Variants in ZBTB1 observed in about 807,000 individuals in gnomAD.
ZBTB1 encodes the protein zinc finger and BTB domain containing 1, also known as zinc finger and BTB domain-containing protein 1.
In ZBTB1, 13 loss-of-function variants were observed where a neutral mutation model predicts 51.6. That is an observed-to-expected ratio of 0.25 (90% CI 0.16 to 0.40). ZBTB1 has a LOEUF of 0.40. Among genes scored for constraint, ZBTB1 ranks in the 10% least tolerant of loss-of-function variants. ZBTB1 has a pLI of 1.00. For missense variants in ZBTB1, 567 were observed against 856.5 expected (o/e 0.66, Z 4.22); for synonymous variants, 240 against 282.2 (o/e 0.85, Z 1.50).
At chr14:64,529,764 C>T (rs1451062798), downstream of ZBTB1, among the ~76,000 whole-genome samples, 1 of 152,120 alleles carries the variant, frequency 6.6e-6, no homozygotes, top group Non-Finnish European at 1.5e-5. Context: ...GAGCGAGACC[C>T]TGTCGCAAAA....
At chr14:64,508,956 T>A (rs1253144796) in intron 1 of ZBTB1, among the ~76,000 whole-genome samples, 2 of 152,218 alleles carry the variant, frequency 1.3e-5, no homozygotes, top group Non-Finnish European at 2.9e-5. Context: ...AATATCTGCC[T>A]TAAGTGTGGT....
At position 64,524,783 on chromosome 14, in the gene ZBTB1, CTT is replaced by C. The variant is rs371214005; in HGVS notation, c.*1138_*1139del. On this transcript the variant is annotated 3_prime_UTR_variant, in exon 2 of 2. Coordinates refer to ENST00000683701, the MANE Select transcript of ZBTB1 (RefSeq NM_001123329.2). The stretch of plus-strand genomic sequence containing the variant: ...TTTTTTTCTGTAAAAGACTATAAAA[CTT>C]GAGGATTATAAAATAATCACAGAGT... The C allele has an allele frequency of 1.0e-6, 1 of 981,374 alleles. No homozygotes were observed. The highest frequency in any genetic ancestry group is 1.7e-5 in the African/African-American group (1 of 57,220). The allele number at this position is 981,374 out of a possible 1,614,324, so 60.8% of individuals were successfully genotyped here.
At chr14:64,528,196 TTG>T (rs1324386441), downstream of ZBTB1, among the ~76,000 whole-genome samples, 1 of 152,062 alleles carries the variant, frequency 6.6e-6, no homozygotes, top group African/African-American at 2.4e-5. Context: ...AACATAAAAC[TTG>T]TGTCGTTGTT....
chr14:64,505,102 G>A, intron 1 of ZBTB1, 156 bp downstream of exon 1: 1 of 351,932 alleles, frequency 2.8e-6, no homozygotes, highest in South Asian at 1.5e-4. Flanking sequence ...GGTGACGGGC[G>A]GCTGCCAGGC....
At chr14:64,518,931 T>TATATATATATATATATAC (rs1566633439) in intron 1 of ZBTB1, among the ~76,000 whole-genome samples, 6 of 140,308 alleles carry the variant, frequency 4.3e-5, no homozygotes, top group African/African-American at 1.3e-4. Context: ...TATATATATA[T>TATATATATATATATATAC]ATATAGTATG....
At position 64,521,772 on chromosome 14, in the gene ZBTB1, G is replaced by C. The variant is rs769450178; in HGVS notation, c.268G>C (p.Ala90Pro). The change falls in exon 2 of 2, where the codon GCT becomes CCT. Residue 90 changes from alanine to proline, a missense_variant. Physicochemically the swap from Ala to Pro is conservative, Grantham distance 27. This residue lies in a region of ZBTB1 where 69 missense variants were observed against 136.4 expected (regional missense o/e 0.51). Coordinates refer to ENST00000683701, the MANE Select transcript of ZBTB1 (RefSeq NM_001123329.2). ...TATGTATTTAGGAAAAATTATGACAGCTCCCTCCAGTTTTGAGCAGTTTAA... is the reference window on the plus strand; with the variant it reads ...TATGTATTTAGGAAAAATTATGACACCTCCCTCCAGTTTTGAGCAGTTTAA... The part of the protein sequence containing the change: ...QFMYLGKIMT[A>P]PSSFEQFKVA... 6.2e-7 allele frequency: 1 copy of C among 1,611,976 alleles called. No individual in the cohort carries two copies. Among genetic ancestry groups the C allele is most frequent in the African/African-American group, 1.3e-5 (1 of 74,930 alleles).
upstream of ZBTB1, chr14:64,504,685 G>A (rs1443188664): frequency 8.3e-6 from 3 of 360,836 alleles, no homozygotes; most frequent in Non-Finnish European, 1.5e-5. Context: ...GCAGCGAACT[G>A]GTGGGCAGAC....
intron 1 of ZBTB1, among the ~76,000 whole-genome samples, chr14:64,519,616 A>AC (rs927026553): frequency 2.0e-5 from 3 of 151,206 alleles, no homozygotes; most frequent in African/African-American, 7.3e-5. Flanking sequence ...TATTAAAAAA[A>AC]AAAAAACAAA....
At position 64,521,527 on chromosome 14, in the gene ZBTB1, G is replaced by A. The variant is rs1049460629; in HGVS notation, c.23G>A (p.Ser8Asn). The part of the protein sequence containing the change: MAKPSHS[S>N]YVLQQLNNQR... ...AAGATGGCAAAGCCCAGCCACAGCAGCTATGTCCTTCAGCAGCTAAACAAC... is the reference window on the plus strand; with the variant it reads ...AAGATGGCAAAGCCCAGCCACAGCAACTATGTCCTTCAGCAGCTAAACAAC... Residue 8 changes from serine (S) to asparagine (N), a missense_variant, in exon 2 of 2, where the codon AGC (serine) becomes AAC (asparagine). Transcript: ENST00000683701. 1 of 1,611,948 alleles carries A rather than the reference G, an allele frequency of 6.2e-7. No individual in the cohort carries two copies. Among genetic ancestry groups the A allele is most frequent in the African/African-American group, 1.3e-5 (1 of 74,878 alleles).
At chr14:64,518,903 G>A (rs1354111963) in intron 1 of ZBTB1, among the ~76,000 whole-genome samples, 2 of 41,060 alleles carry the variant, frequency 4.9e-5, no homozygotes, top group Non-Finnish European at 9.3e-5. Flanking sequence ...GTTGCAGAGA[G>A]GTATATATAT....
At chr14:64,525,699 CTT>C (rs371369101), downstream of ZBTB1, among the ~76,000 whole-genome samples, 1,172 of 152,216 alleles carry the variant, frequency 7.7e-3, 15 homozygotes, top group African/African-American at 0.027. Flanking sequence ...TTAATTTAGT[CTT>C]TTGATATGTA....
chr14:64,521,373 T>C, intron 1 of ZBTB1, 114 bp from the exon 2 acceptor site: 1 of 704,972 alleles, frequency 1.4e-6, no homozygotes, highest in South Asian at 2.3e-5. Flanking sequence ...AATGGAAAGC[T>C]CTTAATTTCT....
rs1217964088 is a variant in ZBTB1 at position 64,523,060 on chromosome 14, A to G, written c.1556A>G (p.Asn519Ser). 2.5e-6 allele frequency: 4 copies of G among 1,614,148 alleles called. No homozygotes were observed. Among genetic ancestry groups the G allele is most frequent in the Non-Finnish European group, 3.4e-6 (4 of 1,180,014 alleles). The change falls in exon 2 of 2, where the codon AAC becomes AGC. Residue 519 changes from asparagine (N) to serine (S), a missense_variant. Physicochemically the swap from Asn to Ser is conservative, Grantham distance 46. Coordinates refer to ENST00000683701, the MANE Select transcript of ZBTB1 (RefSeq NM_001123329.2). The surrounding 1 kb of genome is among the most constrained non-coding windows in gnomAD (Gnocchi z 4.5). ...TTTAGGGACAATCATTACCAGATAA[A>G]CAGTATCCAAAAAAAGCAGTTATTT... is the stretch of plus-strand genomic sequence containing the variant. ...DDFRDNHYQI[N>S]SIQKKQLFKH...
chr14:64,529,785 A>G (rs1228712577), downstream of ZBTB1, among the ~76,000 whole-genome samples: 1 of 152,136 alleles, frequency 6.6e-6, no homozygotes. Context: ...AATAAAAACA[A>G]ATAAATTCAT....
At chr14:64,517,817 T>C (rs1388907018) in intron 1 of ZBTB1, among the ~76,000 whole-genome samples, 4 of 131,028 alleles carry the variant, frequency 3.1e-5, no homozygotes, top group Non-Finnish European at 6.4e-5. Flanking sequence ...ACAGTCTTGC[T>C]CTGTCAGCCA....
intron 1 of ZBTB1, among the ~76,000 whole-genome samples, chr14:64,513,593 A>C (rs2079749142): frequency 6.6e-6 from 1 of 152,206 alleles, no homozygotes; most frequent in Non-Finnish European, 1.5e-5. Flanking sequence ...CCTAAAGCCT[A>C]CTATTTTGGT....
downstream of ZBTB1, among the ~76,000 whole-genome samples, chr14:64,529,867 A>G (rs2079930512): frequency 6.6e-6 from 1 of 152,258 alleles, no homozygotes; most frequent in Non-Finnish European, 1.5e-5. Context: ...ATTAAGATTT[A>G]TAGAGCAATC....
intron 1 of ZBTB1, 116 bp from the exon 2 acceptor site, chr14:64,521,371 G>T: frequency 1.4e-6 from 1 of 704,526 alleles, no homozygotes; most frequent in Non-Finnish European, 2.2e-6. Context: ...AGAATGGAAA[G>T]CTCTTAATTT....
At chr14:64,505,054 CG>C in intron 1 of ZBTB1, 108 bp downstream of exon 1, 2 of 372,566 alleles carry the variant, frequency 5.4e-6, no homozygotes, top group Non-Finnish European at 9.6e-6. Context: ...CCGATCCGTG[CG>C]GGGAGCCGGA....
Sources: gnomAD v4.1 joint callset for allele counts (sites outside exome capture counted in the v4.1 genomes callset) on GRCh38, gnomAD v4.1.1 for gene constraint, gnomAD v4.1.1 regional missense constraint, Gnocchi (gnomAD v3.1) non-coding constraint, MANE v1.5 for transcripts, NCBI Gene and HGNC (gene_info 2026-07-23, HGNC 2026-07-21) for gene names.